EXT2: variants seen among roughly 807,000 people sequenced by gnomAD.
EXT2 encodes exostosin-2.
EXT2 carries 53 observed loss-of-function variants against 81.6 expected under a neutral mutation model. That is an observed-to-expected ratio of 0.65 (90% CI 0.52 to 0.82). EXT2 has a LOEUF of 0.82. Among genes scored for constraint, EXT2 ranks in the 40% least tolerant of loss-of-function variants. EXT2 has a pLI of 0.00. For synonymous variants in EXT2, 320 were observed against 340.0 expected, an observed-to-expected ratio of 0.94 and a Z score of 0.65; for missense variants, 774 against 910.2, an observed-to-expected ratio of 0.85 and a Z score of 1.93.
At chr11:44,191,435 T>A (rs1051805400) in intron 8 of EXT2, among the ~76,000 whole-genome samples, 1 of 152,250 alleles carries the variant, frequency 6.6e-6, no homozygotes, top group Non-Finnish European at 1.5e-5. Flanking sequence ...CTGCGATAGA[T>A]GAGCTTTGCC....
At chr11:44,145,518 G>C (rs1426241766) in intron 7 of EXT2, among the ~76,000 whole-genome samples, 1 of 152,084 alleles carries the variant, frequency 6.6e-6, no homozygotes, top group African/African-American at 2.4e-5. Flanking sequence ...AGGATCATGA[G>C]CTCACATTTC....
intron 5 of EXT2, 56 bp downstream of exon 5, chr11:44,125,040 T>G: frequency 1.0e-5 from 16 of 1,566,826 alleles, no homozygotes; most frequent in African/African-American, 1.3e-5. Context: ...TTACATGGGT[T>G]AAAATTGAGC....
At chr11:44,126,509 T>C (rs1057237769) in intron 5 of EXT2, among the ~76,000 whole-genome samples, 2 of 152,212 alleles carry the variant, frequency 1.3e-5, no homozygotes, top group African/African-American at 2.4e-5. Flanking sequence ...AGAGACCCAT[T>C]TGCAGGAAGT....
intron 7 of EXT2, among the ~76,000 whole-genome samples, chr11:44,166,732 A>C (rs769171673): frequency 1.2e-4 from 19 of 152,044 alleles, no homozygotes; most frequent in Admixed American, 5.9e-4. Flanking sequence ...TCACATGTTC[A>C]CTCCCTTGCA....
chr11:44,244,446 C>A lies in EXT2; in HGVS notation c.*159C>A. 1.4e-6 allele frequency: 1 copy of A among 699,310 alleles called. No homozygotes were observed. Among genetic ancestry groups the A allele is most frequent in the South Asian group, 1.7e-5 (1 of 58,750 alleles). The allele number at this position is 699,310 out of a possible 1,614,324, so 43.3% of individuals were successfully genotyped here. On this transcript the variant is annotated 3_prime_UTR_variant, in exon 14 of 14. Coordinates refer to ENST00000533608, the MANE Select transcript of EXT2 (RefSeq NM_207122.2). ...TAACCCACTTTCTCAAGAACAAGAA[C>A]CTAGAATGAATATCCAAGCACCTCG... is the stretch of plus-strand genomic sequence containing the variant.
chr11:44,243,508 C>T (rs891633754), intron 13 of EXT2, among the ~76,000 whole-genome samples: 2 of 151,680 alleles, frequency 1.3e-5, no homozygotes, highest in African/African-American at 4.8e-5. Flanking sequence ...TCAGCTTTCA[C>T]AGAAGATTGT....
At chr11:44,205,845 C>G (rs903806032) in intron 9 of EXT2, among the ~76,000 whole-genome samples, 1 of 152,166 alleles carries the variant, frequency 6.6e-6, no homozygotes, top group Non-Finnish European at 1.5e-5. Flanking sequence ...CTTTCCTATT[C>G]TCATTTGACA....
chr11:44,181,348 G>A (rs527997170), intron 8 of EXT2, among the ~76,000 whole-genome samples: 10 of 152,168 alleles, frequency 6.6e-5, no homozygotes, highest in Middle Eastern at 3.4e-3. Context: ...ACGCCCTGAC[G>A]TGGGTGTTTT....
intron 7 of EXT2, among the ~76,000 whole-genome samples, chr11:44,136,631 C>T (rs893019032): frequency 6.6e-6 from 1 of 152,182 alleles, no homozygotes; most frequent in Non-Finnish European, 1.5e-5. Flanking sequence ...GTTATAATGT[C>T]TACCATTCTT....
At chr11:44,114,066 C>A in intron 3 of EXT2, 119 bp from the exon 4 acceptor site, 1 of 908,266 alleles carries the variant, frequency 1.1e-6, no homozygotes, top group Non-Finnish European at 1.8e-6. Flanking sequence ...AGAAAACTGA[C>A]TCTGTAAACG....
At chr11:44,199,142 T>A (rs1448816983) in intron 9 of EXT2, among the ~76,000 whole-genome samples, 2 of 152,240 alleles carry the variant, frequency 1.3e-5, no homozygotes, top group Non-Finnish European at 2.9e-5. Flanking sequence ...TGTTTTCTCT[T>A]TCTCAACACT....
intron 7 of EXT2, among the ~76,000 whole-genome samples, chr11:44,160,089 T>A (rs1482084164): frequency 1.3e-5 from 2 of 152,234 alleles, no homozygotes; most frequent in Non-Finnish European, 2.9e-5. Context: ...TCTCTAGTAT[T>A]CTCTGTGAGA....
At chr11:44,189,240 A>G (rs1257958659) in intron 8 of EXT2, among the ~76,000 whole-genome samples, 1 of 152,216 alleles carries the variant, frequency 6.6e-6, no homozygotes, top group African/African-American at 2.4e-5. Context: ...ATAATTAACT[A>G]TCTTACTTAG....
At chr11:44,202,373 C>T (rs1305962518) in intron 9 of EXT2, among the ~76,000 whole-genome samples, 2 of 152,182 alleles carry the variant, frequency 1.3e-5, no homozygotes, top group African/African-American at 4.8e-5. Context: ...TACGTTCATA[C>T]TTAATCAAAG....
chr11:44,170,494 A>G (rs1350816515), intron 7 of EXT2, among the ~76,000 whole-genome samples: 1 of 152,142 alleles, frequency 6.6e-6, no homozygotes, highest in African/African-American at 2.4e-5. Context: ...AGAAAGAATT[A>G]TGTTGTGGAA....
At chr11:44,204,190 A>G (rs1955554152) in intron 9 of EXT2, among the ~76,000 whole-genome samples, 1 of 152,200 alleles carries the variant, frequency 6.6e-6, no homozygotes, top group Non-Finnish European at 1.5e-5. Context: ...AATTATTTTC[A>G]TAATCACTCT....
At chr11:44,197,683 G>C (rs1955471640) in intron 8 of EXT2, 146 bp from the exon 9 acceptor site, 2 of 763,226 alleles carry the variant, frequency 2.6e-6, no homozygotes, top group Admixed American at 2.2e-5. Flanking sequence ...ATTTTGAGGA[G>C]GGGAAGACTT....
chr11:44,177,144 A>G (rs1955169650), intron 8 of EXT2, among the ~76,000 whole-genome samples: 2 of 152,190 alleles, frequency 1.3e-5, no homozygotes, highest in Admixed American at 1.3e-4. Flanking sequence ...GGAGAGATTG[A>G]CCTTTTGTTT....
At chr11:44,204,701 T>C (rs1395394230) in intron 9 of EXT2, among the ~76,000 whole-genome samples, 1 of 152,188 alleles carries the variant, frequency 6.6e-6, no homozygotes, top group Non-Finnish European at 1.5e-5. Flanking sequence ...GAACTACTCA[T>C]GCAAGGGATC....
Sources: gnomAD v4.1 joint callset for allele counts (sites outside exome capture counted in the v4.1 genomes callset) on GRCh38, gnomAD v4.1.1 for gene constraint, MANE v1.5 for transcripts, NCBI Gene and HGNC (gene_info 2026-07-23, HGNC 2026-07-21) for gene names.